The following NFASC variants were observed in gnomAD, a reference collection of about 807,000 sequenced individuals.
The protein encoded by NFASC is neurofascin, also known as neurofascin homolog.
In NFASC, 43 loss-of-function variants were observed where a neutral mutation model predicts 147.5. That is an observed-to-expected ratio of 0.29 (90% CI 0.23 to 0.38). NFASC has a LOEUF of 0.38. Ranked by LOEUF, NFASC falls within the 10% of genes least tolerant of loss-of-function variation. The pLI, the probability that NFASC is intolerant of heterozygous loss-of-function variation, is 1.00. For missense variants in NFASC, 1,320 were observed against 1,689.0 expected (o/e 0.78, Z 3.83); for synonymous variants, 622 against 665.5 (o/e 0.93, Z 1.01).
intron 2 of NFASC, among the ~76,000 whole-genome samples, chr1:204,921,043 A>T (rs758594699): frequency 6.6e-6 from 1 of 152,182 alleles, no homozygotes; most frequent in Non-Finnish European, 1.5e-5. Context: ...AAATTGGGAA[A>T]CAACTTTGTG....
At chr1:204,909,104 A>G (rs2086718452) in intron 1 of NFASC, among the ~76,000 whole-genome samples, 1 of 152,224 alleles carries the variant, frequency 6.6e-6, no homozygotes, top group Non-Finnish European at 1.5e-5. Context: ...AAATGCCCAG[A>G]GGTATATTTG....
chr1:204,899,971 G>A (rs1367109964), intron 1 of NFASC, among the ~76,000 whole-genome samples: 1 of 152,178 alleles, frequency 6.6e-6, no homozygotes, highest in Non-Finnish European at 1.5e-5. Flanking sequence ...ATGATAATAT[G>A]TACTGTACTA....
intron 1 of NFASC, among the ~76,000 whole-genome samples, chr1:204,910,675 A>T (rs2087198037): frequency 1.3e-5 from 2 of 151,656 alleles, no homozygotes; most frequent in Non-Finnish European, 2.9e-5. Context: ...ATCTTTTTAA[A>T]TTTTTTTTGT....
In NFASC at chr1:204,978,993, G is replaced by T. The variant is rs2150415635; in HGVS notation, c.1902G>T (p.Leu634=). 6.4e-7 allele frequency: 1 copy of T among 1,560,708 alleles called. No individual in the cohort carries two copies. The highest frequency in any genetic ancestry group is 2.4e-5 in the East Asian group (1 of 41,800). Residue 634 remains leucine, a synonymous_variant, in exon 18 of 30, where the codon CTG becomes CTT. Coordinates refer to ENST00000339876, the MANE Select transcript of NFASC (RefSeq NM_001005388.3). ...PKGRPDRPRD[L]ELTDLAERSV... The stretch of plus-strand genomic sequence containing the variant: ...GACGGCCAGACCGGCCCCGGGACCT[G>T]GAGCTGACCGACCTGGCCGAGAGGA...
At chr1:204,947,620 C>G (rs2093839619) in intron 3 of NFASC, among the ~76,000 whole-genome samples, 2 of 150,152 alleles carry the variant, frequency 1.3e-5, no homozygotes, top group South Asian at 4.3e-4. Context: ...CATCCCCTCC[C>G]TCCCTCCCTC....
chr1:205,015,364 C>T lies in NFASC; in HGVS notation c.3492-944C>T, dbSNP rs12097287. On this transcript the variant is annotated intron_variant, in intron 29 of 29. Transcript: ENST00000339876. The surrounding 1 kb of genome is among the most constrained non-coding windows in gnomAD (Gnocchi z 4.0). ...CCTCCTGCCCAGGAACTGGGCTAAC[C>T]TCTGAAGTGCAGCCAGCACCACCTG... 0.046 allele frequency among the ~76,000 whole-genome samples: 7,064 copies of T among 152,282 alleles called. 512 individuals carry two copies. The highest frequency in any genetic ancestry group is 0.16 in the African/African-American group (6,639 of 41,538).
At chr1:204,888,293 A>G (rs1312244654) in intron 1 of NFASC, among the ~76,000 whole-genome samples, 1 of 152,236 alleles carries the variant, frequency 6.6e-6, no homozygotes, top group Admixed American at 6.5e-5. Flanking sequence ...TTGCCAAAAG[A>G]CAAAATTACA....
chr1:204,842,231 C>T (rs2102513660), intron 1 of NFASC, among the ~76,000 whole-genome samples: 1 of 152,340 alleles, frequency 6.6e-6, no homozygotes, highest in East Asian at 1.9e-4. Context: ...ATCTGGTCCA[C>T]ATTTGTTCTC....
chr1:204,988,180 G>A (rs1453046080), intron 22 of NFASC, among the ~76,000 whole-genome samples: 3 of 152,224 alleles, frequency 2.0e-5, no homozygotes, highest in South Asian at 2.1e-4. Flanking sequence ...CTCTGTGCTT[G>A]TATGCTGTTC....
rs72753415 is a variant in NFASC at position 204,979,828 on chromosome 1, A to T, written c.2176+269A>T. On this transcript the variant is annotated intron_variant, in intron 19 of 29. Transcript: ENST00000339876. The surrounding 1 kb of genome is among the most constrained non-coding windows in gnomAD (Gnocchi z 6.0). ...CCATTTTTATTATTAGTAATTCTTGATTATCTGCTTTAAAGGGGAGAGCTG... is the reference window on the plus strand; with the variant it reads ...CCATTTTTATTATTAGTAATTCTTGTTTATCTGCTTTAAAGGGGAGAGCTG... 0.02 allele frequency among the ~76,000 whole-genome samples: 3,017 copies of T among 152,326 alleles called. 61 individuals carry two copies. Among genetic ancestry groups the T allele is most frequent in the Middle Eastern group, 0.085 (25 of 294 alleles).
chr1:205,003,964 C>T (rs1217036293), intron 27 of NFASC, among the ~76,000 whole-genome samples: 1 of 152,206 alleles, frequency 6.6e-6, no homozygotes, highest in Non-Finnish European at 1.5e-5. Flanking sequence ...TTGAGGCTAG[C>T]CAGGCCGACT....
chr1:204,857,945 G>A (rs1414864406), intron 1 of NFASC, among the ~76,000 whole-genome samples: 2 of 129,308 alleles, frequency 1.5e-5, no homozygotes, highest in African/African-American at 6.4e-5. Context: ...TTGAGATGGA[G>A]TTTCACTCTT....
chr1:204,912,210 C>T (rs2887480), intron 1 of NFASC, among the ~76,000 whole-genome samples: 67,282 of 150,970 alleles, frequency 0.45, 15,340 homozygotes, highest in Admixed American at 0.55. Context: ...TTTACTAGTT[C>T]CTCGAGGTGG....
intron 1 of NFASC, among the ~76,000 whole-genome samples, chr1:204,877,387 T>C (rs1434953323): frequency 6.6e-6 from 1 of 151,960 alleles, no homozygotes; most frequent in Non-Finnish European, 1.5e-5. Flanking sequence ...TGGTCTCCTG[T>C]TGGGAAGCCG....
Position 204,902,628 on chromosome 1 carries a change from G to T in NFASC, c.-199-18004G>T, listed in dbSNP as rs150054429. On this transcript the variant is annotated intron_variant, in intron 1 of 29. Coordinates refer to ENST00000339876, the MANE Select transcript of NFASC (RefSeq NM_001005388.3). ...CAGTGGAGGGGTGGGGAGAAGGAAA[G>T]GTGGGGTGTGGATGAAGTGTGATTG... 5.5e-3 allele frequency among the ~76,000 whole-genome samples: 840 copies of T among 152,296 alleles called. 4 individuals are homozygous for T. Among genetic ancestry groups the T allele is most frequent in the Non-Finnish European group, 8.2e-3 (555 of 68,024 alleles).
intron 1 of NFASC, among the ~76,000 whole-genome samples, chr1:204,892,363 A>T (rs894504189): frequency 4.6e-5 from 7 of 152,248 alleles, no homozygotes; most frequent in Non-Finnish European, 1.0e-4. Context: ...CAACCATTTT[A>T]TGTATTCACA....
chr1:204,838,033 C>T (rs538314274), intron 1 of NFASC, among the ~76,000 whole-genome samples: 1 of 152,276 alleles, frequency 6.6e-6, no homozygotes, highest in South Asian at 2.1e-4. Flanking sequence ...TAAAGCCTCC[C>T]CAACAAACCA....
At chr1:204,839,368 AACACACACACACACACACACACAC>A (rs55784616) in intron 1 of NFASC, among the ~76,000 whole-genome samples, 2 of 135,198 alleles carry the variant, frequency 1.5e-5, no homozygotes, top group African/African-American at 5.5e-5. Flanking sequence ...GCACGTATGA[AACACACACACACACACACACACAC>A]ACACACACAC....
chr1:204,918,710 C>T lies in NFASC; in HGVS notation c.-199-1922C>T, dbSNP rs554536476. On this transcript the variant is annotated intron_variant, in intron 1 of 29. Transcript: ENST00000339876. Reference sequence around the variant, plus strand: ...AAGCGATTCTCATGCCTCAGCCTCCCGAGCAGCTGGGATTACAGGTGCCCA... The same window carrying T: ...AAGCGATTCTCATGCCTCAGCCTCCTGAGCAGCTGGGATTACAGGTGCCCA... Among the ~76,000 whole-genome samples the T allele has an allele frequency of 9.2e-5, 14 of 151,422 alleles. No individual in the cohort carries two copies. In the East Asian group the frequency reaches 2.0e-3, roughly 21 times the overall value.
Sources: gnomAD v4.1 joint callset for allele counts (sites outside exome capture counted in the v4.1 genomes callset) on GRCh38, gnomAD v4.1.1 for gene constraint, Gnocchi (gnomAD v3.1) non-coding constraint, MANE v1.5 for transcripts, NCBI Gene and HGNC (gene_info 2026-07-23, HGNC 2026-07-21) for gene names.